The following GLDC variants were observed in gnomAD, a reference collection of about 807,000 sequenced individuals.
GLDC encodes glycine decarboxylase, also known as glycine dehydrogenase (decarboxylating), mitochondrial.
A neutral mutation model predicts 121.3 loss-of-function variants in GLDC; 104 were observed. The ratio of observed to expected loss-of-function variants is 0.86; its 90% CI spans 0.73 to 1.01. The LOEUF is 1.01. GLDC is among the 50% of genes least tolerant of loss of function. GLDC has a pLI of 0.00. For synonymous variants in GLDC, 546 were observed against 480.6 expected (o/e 1.14, Z -1.78); for missense variants, 1,429 against 1,306.6 (o/e 1.09, Z -1.44).
At position 6,556,181 on chromosome 9, in the gene GLDC, T is replaced by A. The variant is rs1418580025; in HGVS notation, c.2174A>T (p.Tyr725Phe). The change falls in exon 18 of 25, where the codon TAC becomes TTC. Residue 725 changes from tyrosine (Y) to phenylalanine (F), a missense_variant. By Grantham distance (22) the Tyr-to-Phe change is conservative. Coordinates refer to ENST00000321612, the MANE Select transcript of GLDC (RefSeq NM_000170.3). The stretch of plus-strand genomic sequence containing the variant: ...AGCATTCATATTTGCCCCGTCTAGG[T>A]AGACCTGTCCTCCATGTTGATGGAT... ...DLIHQHGGQV[Y>F]LDGANMNAQV... 6.2e-7 allele frequency: 1 copy of A among 1,613,332 alleles called. No homozygotes were observed. Among genetic ancestry groups the A allele is most frequent in the Admixed American group, 1.7e-5 (1 of 60,016 alleles).
In GLDC at chr9:6,620,133, A is replaced by T. The variant is rs796572221; in HGVS notation, c.470+51T>A. ...GCAAGGGGACAGATGGAGGATGGAG[A>T]GAATTATGCAAATCACAGTCATCCT... On this transcript the variant is annotated intron_variant, in intron 3 of 24. Transcript: ENST00000321612. 1.9e-6 allele frequency: 3 copies of T among 1,573,500 alleles called. No individual in the cohort carries two copies. In the African/African-American group the frequency reaches 4.0e-5, roughly 21 times the overall value.
chr9:6,633,701 A>G (rs1472440037), intron 2 of GLDC, among the ~76,000 whole-genome samples: 2 of 151,832 alleles, frequency 1.3e-5, no homozygotes, highest in Non-Finnish European at 2.9e-5. Context: ...AGGGTGGATC[A>G]CCTGAGGTCA....
At chr9:6,570,431 T>C (rs1490642170) in intron 15 of GLDC, among the ~76,000 whole-genome samples, 1 of 152,220 alleles carries the variant, frequency 6.6e-6, no homozygotes, top group Non-Finnish European at 1.5e-5. Flanking sequence ...GAAAATCATT[T>C]TATAGTTTTT....
At chr9:6,579,546 A>T (rs1587940664) in intron 15 of GLDC, among the ~76,000 whole-genome samples, 1 of 151,724 alleles carries the variant, frequency 6.6e-6, no homozygotes, top group East Asian at 1.9e-4. Flanking sequence ...TTTTTTGTAG[A>T]TGGGGTCTTA....
At chr9:6,536,286 C>G (rs1216828681) in intron 22 of GLDC, 50 bp from the exon 23 acceptor site, 2 of 1,510,982 alleles carry the variant, frequency 1.3e-6, no homozygotes, top group East Asian at 2.3e-5. Flanking sequence ...AGTGGCCTAC[C>G]CAGTTTGGAA....
At chr9:6,609,320 C>T (rs9299034) in intron 4 of GLDC, among the ~76,000 whole-genome samples, 5,130 of 152,112 alleles carry the variant, frequency 0.034, 281 homozygotes, top group African/African-American at 0.11. Flanking sequence ...CAGTAAGAGA[C>T]GGAAATAAAC....
chr9:6,539,931 C>A (rs376788392), intron 22 of GLDC, 120 bp downstream of exon 22: 11 of 777,762 alleles, frequency 1.4e-5, no homozygotes, highest in South Asian at 2.8e-5. Context: ...TGCCAAGAAC[C>A]CTGAGCTCCC....
At chr9:6,597,287 A>T (rs1368258252) in intron 8 of GLDC, among the ~76,000 whole-genome samples, 1 of 152,212 alleles carries the variant, frequency 6.6e-6, no homozygotes, top group Non-Finnish European at 1.5e-5. Flanking sequence ...AATATTCTGA[A>T]ATTAAATACT....
At chr9:6,544,329 A>C (rs1041595903) in intron 21 of GLDC, among the ~76,000 whole-genome samples, 1 of 152,140 alleles carries the variant, frequency 6.6e-6, no homozygotes, top group Non-Finnish European at 1.5e-5. Context: ...CTGCCCACCC[A>C]TACAGCAAGG....
intron 2 of GLDC, among the ~76,000 whole-genome samples, chr9:6,632,204 G>C (rs147213452): frequency 3.6e-4 from 55 of 152,240 alleles, no homozygotes; most frequent in African/African-American, 1.3e-3. Flanking sequence ...TTCACGTATG[G>C]CTAGCCCAGG....
intron 6 of GLDC, 50 bp downstream of exon 6, chr9:6,605,081 A>G: frequency 2.0e-6 from 3 of 1,510,460 alleles, no homozygotes; most frequent in Non-Finnish European, 2.8e-6. Context: ...GTAGACAGAT[A>G]CAAGTTGGGA....
intron 16 of GLDC, among the ~76,000 whole-genome samples, chr9:6,560,279 C>G (rs375287597): frequency 1.2e-3 from 178 of 152,290 alleles, no homozygotes; most frequent in Non-Finnish European, 1.9e-3. Context: ...GAAGTTAAAT[C>G]TTAGCTTACA....
chr9:6,555,524 T>C (rs889025380), intron 18 of GLDC, among the ~76,000 whole-genome samples: 1 of 151,554 alleles, frequency 6.6e-6, no homozygotes, highest in Non-Finnish European at 1.5e-5. Context: ...ATCCTAGCAC[T>C]TTGGGAAGCT....
At chr9:6,634,593 C>T (rs1386268140) in intron 2 of GLDC, among the ~76,000 whole-genome samples, 1 of 152,100 alleles carries the variant, frequency 6.6e-6, no homozygotes, top group Non-Finnish European at 1.5e-5. Flanking sequence ...TCCTGGGCTG[C>T]CCGAAGCCAG....
chr9:6,573,895 A>G (rs1469115651), intron 15 of GLDC, among the ~76,000 whole-genome samples: 5 of 152,210 alleles, frequency 3.3e-5, no homozygotes, highest in South Asian at 4.1e-4. Context: ...ACAATTTAAC[A>G]GTACAAATAC....
At chr9:6,547,101 C>A (rs1263705112) in intron 21 of GLDC, among the ~76,000 whole-genome samples, 3 of 152,220 alleles carry the variant, frequency 2.0e-5, no homozygotes, top group East Asian at 3.9e-4. Context: ...CCGCCTCAGC[C>A]TTCCAAAGTG....
rs750857265 is a variant in GLDC at position 6,610,376 on chromosome 9, T to A, written c.471-20A>T. 6.2e-7 allele frequency: 1 copy of A among 1,613,268 alleles called. No homozygotes were observed. The highest frequency in any genetic ancestry group is 1.3e-5 in the African/African-American group (1 of 74,900). Reference sequence around the variant, plus strand: ...GTGATCCTGCAAGGGAAACAAAAGGTCTTGTCCAAACTGACTGCTGTTTAG... The same window carrying A: ...GTGATCCTGCAAGGGAAACAAAAGGACTTGTCCAAACTGACTGCTGTTTAG... On this transcript the variant is annotated intron_variant, in intron 3 of 24. Coordinates refer to ENST00000321612, the MANE Select transcript of GLDC (RefSeq NM_000170.3).
At chr9:6,587,939 T>C (rs968689985) in intron 14 of GLDC, among the ~76,000 whole-genome samples, 4 of 152,122 alleles carry the variant, frequency 2.6e-5, no homozygotes, top group Non-Finnish European at 5.9e-5. Context: ...GATCCTGGCC[T>C]AGTAGAGATA....
chr9:6,607,655 T>C (rs1460388797), intron 4 of GLDC, among the ~76,000 whole-genome samples: 4 of 151,602 alleles, frequency 2.6e-5, no homozygotes, highest in African/African-American at 9.7e-5. Flanking sequence ...TTATTTTTGG[T>C]GGGGGGAGAA....
Sources: allele counts gnomAD v4.1 joint callset (sites outside exome capture counted in the v4.1 genomes callset), GRCh38; gene constraint gnomAD v4.1.1; transcripts MANE v1.5; gene names NCBI Gene and HGNC (gene_info 2026-07-23, HGNC 2026-07-21).